The following CBLN2 variants were observed in gnomAD, a reference collection of about 807,000 sequenced individuals.
CBLN2 encodes cerebellin 2 precursor, also known as cerebellin-2.
Under a neutral mutation model 15.0 loss-of-function variants are expected in CBLN2, and 7 were observed. The observed-to-expected ratio is 0.47, with a 90% confidence interval of 0.27 to 0.88. CBLN2 has a LOEUF of 0.88. Among genes scored for constraint, CBLN2 ranks in the 40% least tolerant of loss-of-function variants. The pLI, the probability that CBLN2 is intolerant of heterozygous loss-of-function variation, is 0.14. For missense variants in CBLN2, 242 were observed against 304.5 expected (o/e 0.79, Z 1.53); for synonymous variants, 149 against 135.2 (o/e 1.10, Z -0.71).
chr18:72,604,825 A>G (rs2069572986), intron 1 of CBLN2, among the ~76,000 whole-genome samples: 1 of 152,252 alleles, frequency 6.6e-6, no homozygotes, highest in Admixed American at 6.5e-5. Context: ...CACAGCCTCC[A>G]TAACTATAAG....
intron 1 of CBLN2, among the ~76,000 whole-genome samples, chr18:72,552,380 G>A (rs1035759722): frequency 3.3e-5 from 5 of 151,770 alleles, no homozygotes; most frequent in Admixed American, 6.6e-5. Flanking sequence ...CACTGAGCCC[G>A]GCCAAAATAC....
Position 72,543,700 on chromosome 18 carries a change from G to A in CBLN2, c.-211-170C>T. 2.9e-6 allele frequency: 1 copy of A among 346,350 alleles called. No individual in the cohort carries two copies. Among genetic ancestry groups the A allele is most frequent in the Non-Finnish European group, 5.2e-6 (1 of 192,778 alleles). 21.5% of individuals were successfully genotyped at this position (346,350 alleles called of 1,614,324 possible). A position where few individuals can be genotyped will look rare whatever the true frequency, so the allele number is the denominator to read the frequency against. ...CCCCGCGCGCCCGCTTAGGCGCCGC[G>A]CCCGGGACCGGGAACCCCGCGTCTC... On this transcript the variant is annotated intron_variant, in intron 1 of 4. Transcript: ENST00000269503. The surrounding 1 kb of genome is among the most constrained non-coding windows in gnomAD (Gnocchi z 6.8).
At chr18:72,603,711 C>T (rs1793023538) in intron 1 of CBLN2, among the ~76,000 whole-genome samples, 1 of 152,164 alleles carries the variant, frequency 6.6e-6, no homozygotes, top group Non-Finnish European at 1.5e-5. Context: ...GTTTAAGGAG[C>T]TCAACGTCTA....
chr18:72,555,839 G>C (rs1391648325), intron 1 of CBLN2, among the ~76,000 whole-genome samples: 1 of 152,152 alleles, frequency 6.6e-6, no homozygotes, highest in Non-Finnish European at 1.5e-5. Flanking sequence ...AGTAATTCTA[G>C]TCCCTGAACA....
In CBLN2 at chr18:72,541,663, G is replaced by T. The variant is rs1223504; in HGVS notation, c.357+141C>A. ...GAGTAGGAGTGCGTTCTATGAAACG[G>T]GAGGAAAGAGACTAGCAGGGCAGAG... On this transcript the variant is annotated intron_variant, in intron 3 of 4. Coordinates refer to ENST00000269503, the MANE Select transcript of CBLN2 (RefSeq NM_182511.4). 0.84 allele frequency: 517,932 copies of T among 615,226 alleles called. 231,275 individuals are homozygous for T. The highest frequency in any genetic ancestry group is 0.95 in the Non-Finnish European group (357,409 of 377,198). 38.1% of individuals were successfully genotyped at this position (615,226 alleles called of 1,614,324 possible).
chr18:72,550,373 A>G (rs2069184351), intron 1 of CBLN2, among the ~76,000 whole-genome samples: 1 of 152,226 alleles, frequency 6.6e-6, no homozygotes, highest in Non-Finnish European at 1.5e-5. Context: ...TGAACCATAC[A>G]GGGAGGTAAG....
Position 72,538,122 on chromosome 18 carries a change from G to A in CBLN2, c.*54C>T, listed in dbSNP as rs1413467660. On this transcript the variant is annotated 3_prime_UTR_variant, in exon 5 of 5. Transcript: ENST00000269503. Reference sequence around the variant, plus strand: ...CCAGTAAGTTCAGGGTGTTTTAAAGGGCGGAGTCCTGGGTCCAGTTTGCCA... The same window carrying A: ...CCAGTAAGTTCAGGGTGTTTTAAAGAGCGGAGTCCTGGGTCCAGTTTGCCA... 17 of 1,579,022 alleles carry A rather than the reference G, an allele frequency of 1.1e-5. No individual in the cohort carries two copies. The highest frequency in any genetic ancestry group is 1.4e-5 in the Non-Finnish European group (16 of 1,148,896).
At chr18:72,622,456 G>A (rs187355630) in intron 1 of CBLN2, among the ~76,000 whole-genome samples, 4 of 152,052 alleles carry the variant, frequency 2.6e-5, no homozygotes, top group Non-Finnish European at 5.9e-5. Flanking sequence ...CAGCCTTATG[G>A]GTGAGTAAGA....
intron 1 of CBLN2, among the ~76,000 whole-genome samples, chr18:72,593,914 A>C (rs1400395806): frequency 6.6e-6 from 1 of 152,198 alleles, no homozygotes; most frequent in African/African-American, 2.4e-5. Flanking sequence ...CTGGATAAAG[A>C]AAATGTGGCA....
In CBLN2 at chr18:72,541,997, G is replaced by C. The variant is rs1214662699; in HGVS notation, c.164C>G (p.Thr55Arg). The C allele has an allele frequency of 1.9e-6, 3 of 1,603,134 alleles. No individual in the cohort carries two copies. The highest frequency in any genetic ancestry group is 2.5e-6 in the Non-Finnish European group (3 of 1,179,094). Residue 55 changes from threonine (T) to arginine (R), a missense_variant, in exon 3 of 5, where the codon ACG (threonine) becomes AGG (arginine). By Grantham distance (71) the Thr-to-Arg change is moderately conservative. Transcript: ENST00000269503. ...CTTGCCCTCCAGCACGATGGGCTCCGTGTCGTTCTGCGCCCGCACGGGGCA... is the reference window on the plus strand; with the variant it reads ...CTTGCCCTCCAGCACGATGGGCTCCCTGTCGTTCTGCGCCCGCACGGGGCA... ...ACCPVRAQND[T>R]EPIVLEGKCL...
intron 1 of CBLN2, among the ~76,000 whole-genome samples, chr18:72,594,438 A>G (rs1046722728): frequency 1.3e-5 from 2 of 149,734 alleles, no homozygotes; most frequent in African/African-American, 2.5e-5. Flanking sequence ...ATTGTCCTGT[A>G]GTTCTCTTTT....
intron 1 of CBLN2, among the ~76,000 whole-genome samples, chr18:72,583,376 C>T (rs1446602078): frequency 6.6e-6 from 1 of 152,130 alleles, no homozygotes; most frequent in Admixed American, 6.5e-5. Flanking sequence ...CTGTTATTCC[C>T]TCTCACCCAC....
chr18:72,627,874 T>C (rs8096299), intron 1 of CBLN2, among the ~76,000 whole-genome samples: 31,428 of 152,170 alleles, frequency 0.21, 4,982 homozygotes, highest in African/African-American at 0.45. Flanking sequence ...TGTTCTATTT[T>C]ATGCAGTAAT....
chr18:72,602,480 A>T (rs2069555376), intron 1 of CBLN2, among the ~76,000 whole-genome samples: 1 of 151,940 alleles, frequency 6.6e-6, no homozygotes, highest in Non-Finnish European at 1.5e-5. Context: ...GCCTCTTTTT[A>T]ACCCCTCATC....
At chr18:72,636,312 C>G (rs1181458421) in intron 1 of CBLN2, among the ~76,000 whole-genome samples, 2 of 152,144 alleles carry the variant, frequency 1.3e-5, no homozygotes, top group Non-Finnish European at 2.9e-5. Context: ...CCTTATACAA[C>G]AAGCACAACT....
chr18:72,616,859 T>C (rs1415213186), intron 1 of CBLN2, among the ~76,000 whole-genome samples: 1 of 152,232 alleles, frequency 6.6e-6, no homozygotes, highest in Non-Finnish European at 1.5e-5. Flanking sequence ...TTTCTGTGTG[T>C]GTCTGTGTGT....
At chr18:72,606,982 T>C (rs1250845190) in intron 1 of CBLN2, among the ~76,000 whole-genome samples, 2 of 152,208 alleles carry the variant, frequency 1.3e-5, no homozygotes, top group East Asian at 3.8e-4. Flanking sequence ...CCCCAGAACC[T>C]TGGAATGTGA....
At chr18:72,587,126 T>C (rs895364908) in intron 1 of CBLN2, among the ~76,000 whole-genome samples, 6 of 151,858 alleles carry the variant, frequency 4.0e-5, no homozygotes, top group Non-Finnish European at 7.4e-5. Context: ...ATACTCAGAG[T>C]TTTAATTTAT....
chr18:72,623,845 A>G (rs142322964), intron 1 of CBLN2, among the ~76,000 whole-genome samples: 12 of 152,218 alleles, frequency 7.9e-5, no homozygotes, highest in Middle Eastern at 3.4e-3. Context: ...TCTAGAATTC[A>G]CCGGACTGAT....
Sources: allele counts gnomAD v4.1 joint callset (sites outside exome capture counted in the v4.1 genomes callset), GRCh38; gene constraint gnomAD v4.1.1; non-coding constraint Gnocchi (gnomAD v3.1); transcripts MANE v1.5; gene names NCBI Gene and HGNC (gene_info 2026-07-23, HGNC 2026-07-21).